USP43: variants seen among roughly 807,000 people sequenced by gnomAD.
USP43 encodes the protein ubiquitin carboxyl-terminal hydrolase 43.
Under a neutral mutation model 90.7 loss-of-function variants are expected in USP43, and 33 were observed. The ratio of observed to expected loss-of-function variants is 0.36; its 90% CI spans 0.28 to 0.49. USP43 has a LOEUF of 0.49. Ranked by LOEUF, USP43 falls within the 20% of genes least tolerant of loss-of-function variation. USP43 has a pLI of 0.98. For synonymous variants in USP43, 598 were observed against 615.8 expected (o/e 0.97, Z 0.43); for missense variants, 1,274 against 1,476.4 (o/e 0.86, Z 2.25).
chr17:9,659,877 C>T (rs751667618), intron 2 of USP43, among the ~76,000 whole-genome samples: 8 of 152,118 alleles, frequency 5.3e-5, no homozygotes, highest in South Asian at 2.1e-4. Context: ...TTTCTGAGAA[C>T]GGCTGTCCTG....
chr17:9,650,638 A>G (rs1567644382), intron 1 of USP43, among the ~76,000 whole-genome samples: 1 of 152,096 alleles, frequency 6.6e-6, no homozygotes, highest in Non-Finnish European at 1.5e-5. Context: ...CCTGACCCCA[A>G]GTGATCCACC....
intron 1 of USP43, among the ~76,000 whole-genome samples, chr17:9,653,712 G>A (rs1222207447): frequency 3.3e-5 from 5 of 152,216 alleles, no homozygotes; most frequent in Non-Finnish European, 5.9e-5. Context: ...GGGGCTGAAC[G>A]ACAGAGGGTG....
At chr17:9,722,662 C>G (rs1481530214) in intron 14 of USP43, among the ~76,000 whole-genome samples, 1 of 152,166 alleles carries the variant, frequency 6.6e-6, no homozygotes, top group African/African-American at 2.4e-5. Context: ...GCAAGGTGCT[C>G]TCTTTCACCA....
intron 14 of USP43, among the ~76,000 whole-genome samples, chr17:9,720,321 C>CAAAA (rs980644442): frequency 1.2e-3 from 53 of 42,632 alleles, no homozygotes; most frequent in African/African-American, 1.6e-3. Context: ...GACTCCATCT[C>CAAAA]AAAAAAAAAA....
chr17:9,728,308 C>T lies in USP43; in HGVS notation c.2690C>T (p.Pro897Leu). ...GGGGTGCCCTGTCCCTCGGCTCAAC[C>T]CAACCACTGTCTGGCCCCTGGAAAC... ...PAGVPCPSAQ[P>L]NHCLAPGNSD... The change falls in exon 15 of 15, where the codon CCC (proline) becomes CTC (leucine). Residue 897 changes from proline (P) to leucine (L), a missense_variant. By Grantham distance (98) the Pro-to-Leu change is moderately conservative. Transcript: ENST00000285199. This position sits in a 1 kb window ranked among gnomAD's most constrained non-coding sequence, Gnocchi z 6.2. The T allele has an allele frequency of 6.2e-7, 1 of 1,612,820 alleles. No individual in the cohort carries two copies. Among genetic ancestry groups the T allele is most frequent in the African/African-American group, 1.3e-5 (1 of 75,016 alleles).
At position 9,645,709 on chromosome 17, in the gene USP43, G is replaced by T; in HGVS notation, c.77G>T (p.Arg26Leu). 1 of 1,331,168 alleles carries T rather than the reference G, an allele frequency of 7.5e-7. No homozygotes were observed. The highest frequency in any genetic ancestry group is 3.7e-5 in the Admixed American group (1 of 26,722). The allele number at this position is 1,331,168 out of a possible 1,614,324, so 82.5% of individuals were successfully genotyped here. ...PRPRRRRSLR[R>L]LFSRFLLALG... ...CCCCGCCGCCGCCGCTCCCTGCGCC[G>T]CCTGTTCAGCCGCTTCCTGCTGGCG... The change falls in exon 1 of 15, where the codon CGC becomes CTC. Residue 26 changes from arginine (R) to leucine (L), a missense_variant. By Grantham distance (102) the Arg-to-Leu change is moderately radical. Coordinates refer to ENST00000285199, the MANE Select transcript of USP43 (RefSeq NM_153210.5). This position sits in a 1 kb window ranked among gnomAD's most constrained non-coding sequence, Gnocchi z 6.8.
intron 5 of USP43, among the ~76,000 whole-genome samples, chr17:9,678,956 A>G (rs924555515): frequency 3.3e-5 from 5 of 152,116 alleles, no homozygotes; most frequent in Non-Finnish European, 7.3e-5. Flanking sequence ...CTTCCCATGT[A>G]ACACAAGGAT....
intron 2 of USP43, among the ~76,000 whole-genome samples, chr17:9,666,047 T>C (rs74985178): frequency 6.6e-6 from 1 of 152,150 alleles, no homozygotes; most frequent in Non-Finnish European, 1.5e-5. Flanking sequence ...CAGTTTGTGA[T>C]AATTTGCTGT....
intron 3 of USP43, among the ~76,000 whole-genome samples, chr17:9,667,059 T>C (rs1913078415): frequency 6.6e-6 from 1 of 152,162 alleles, no homozygotes; most frequent in South Asian, 2.1e-4. Context: ...CACTCTGAAG[T>C]TGGAGAGACC....
chr17:9,710,096 G>A lies in USP43; in HGVS notation c.2152G>A (p.Ala718Thr). 6.6e-7 allele frequency: 1 copy of A among 1,521,866 alleles called. No homozygotes were observed. Among genetic ancestry groups the A allele is most frequent in the South Asian group, 1.3e-5 (1 of 75,376 alleles). The allele number at this position is 1,521,866 out of a possible 1,614,324, so 94.3% of individuals were successfully genotyped here. ...QKRNSIPPWS[A>T]SSSMRGSTSS... ...GCGGAACAGCATCCCTCCCTGGTCAGCCAGCAGCTCCATGAGAGGTAGGTG... is the reference window on the plus strand; with the variant it reads ...GCGGAACAGCATCCCTCCCTGGTCAACCAGCAGCTCCATGAGAGGTAGGTG... The change falls in exon 13 of 15, where the codon GCC (alanine) becomes ACC (threonine). Residue 718 changes from alanine to threonine, a missense_variant. This residue lies in a region of USP43 where 285 missense variants were observed against 349.6 expected (regional missense o/e 0.82). Coordinates refer to ENST00000285199, the MANE Select transcript of USP43 (RefSeq NM_153210.5).
At chr17:9,691,239 T>C (rs148973135) in intron 8 of USP43, among the ~76,000 whole-genome samples, 6,492 of 151,618 alleles carry the variant, frequency 0.043, 447 homozygotes, top group African/African-American at 0.15. Context: ...CTCAGCCTCC[T>C]GAGTAGCTGG....
At chr17:9,648,348 A>C (rs1911600605) in intron 1 of USP43, among the ~76,000 whole-genome samples, 1 of 152,208 alleles carries the variant, frequency 6.6e-6, no homozygotes, top group African/African-American at 2.4e-5. Flanking sequence ...TATTTATTGA[A>C]TGTCCAGAGA....
chr17:9,653,531 T>C (rs1398509516), intron 1 of USP43, among the ~76,000 whole-genome samples: 1 of 151,162 alleles, frequency 6.6e-6, no homozygotes, highest in Non-Finnish European at 1.5e-5. Context: ...AAGGTTGCAG[T>C]GAGCCAAGGT....
At chr17:9,700,906 C>T (rs571228334) in intron 10 of USP43, among the ~76,000 whole-genome samples, 2 of 152,312 alleles carry the variant, frequency 1.3e-5, no homozygotes, top group South Asian at 4.1e-4. Context: ...AGCCAAGGAC[C>T]TGCCCTGTAG....
chr17:9,682,986 G>C, intron 7 of USP43, 28 bp downstream of exon 7: 1 of 1,607,398 alleles, frequency 6.2e-7, no homozygotes, highest in South Asian at 1.1e-5. Context: ...CTTTTTTCAT[G>C]TGGTGTCTGG....
intron 2 of USP43, 137 bp downstream of exon 2, chr17:9,656,671 G>T: frequency 8.8e-7 from 1 of 1,132,534 alleles, no homozygotes; most frequent in Non-Finnish European, 1.2e-6. Context: ...TCCACAGTCT[G>T]TTCCCTGCTT....
rs1384858690 is a variant in USP43, at chr17:9,676,754, G to T, written c.842G>T (p.Ser281Ile). 3.7e-6 allele frequency: 6 copies of T among 1,613,392 alleles called. No individual in the cohort carries two copies. The highest frequency in any genetic ancestry group is 4.2e-6 in the Non-Finnish European group (5 of 1,179,656). The change falls in exon 5 of 15, where the codon AGT (serine) becomes ATT (isoleucine). Residue 281 changes from serine (S) to isoleucine (I), a missense_variant. Around this residue, in one of 6 missense-constraint regions of USP43, gnomAD observed 259 missense variants for 373.7 expected, o/e 0.69. Transcript: ENST00000285199. ...PIPLRQTRFL[S>I]VTLVFPSKSQ... Reference sequence around the variant, plus strand: ...CCCTTCCTATTTTCCAGGTTCTTGAGTGTCACCTTGGTCTTCCCCTCTAAG... The same window carrying T: ...CCCTTCCTATTTTCCAGGTTCTTGATTGTCACCTTGGTCTTCCCCTCTAAG...
intron 10 of USP43, 135 bp downstream of exon 10, chr17:9,700,384 G>A (rs1287143914): frequency 1.3e-6 from 1 of 742,658 alleles, no homozygotes; most frequent in African/African-American, 1.8e-5. Flanking sequence ...ACCCGTTCCT[G>A]TGAGATGCCT....
intron 1 of USP43, among the ~76,000 whole-genome samples, chr17:9,653,566 A>T (rs1912022431): frequency 6.6e-6 from 1 of 151,842 alleles, no homozygotes; most frequent in African/African-American, 2.4e-5. Flanking sequence ...CCAGCTGGGC[A>T]ACAAGAGCAA....
Sources: gnomAD v4.1 joint callset for allele counts (sites outside exome capture counted in the v4.1 genomes callset) on GRCh38, gnomAD v4.1.1 for gene constraint, gnomAD v4.1.1 regional missense constraint, Gnocchi (gnomAD v3.1) non-coding constraint, MANE v1.5 for transcripts, NCBI Gene and HGNC (gene_info 2026-07-23, HGNC 2026-07-21) for gene names.